SV2C: variants seen among roughly 807,000 people sequenced by gnomAD.
SV2C encodes solute carrier family 22 member B3.
A neutral mutation model predicts 79.7 loss-of-function variants in SV2C; 49 were observed. The ratio of observed to expected loss-of-function variants is 0.61; its 90% CI spans 0.49 to 0.78. The LOEUF (loss-of-function observed/expected upper bound fraction) is 0.78. Among genes scored for constraint, SV2C ranks in the 30% least tolerant of loss-of-function variants. SV2C has a pLI of 0.00. For missense variants in SV2C, 833 were observed against 912.9 expected, an observed-to-expected ratio of 0.91 and a Z score of 1.13; for synonymous variants, 334 against 333.2, an observed-to-expected ratio of 1.00 and a Z score of -0.03.
chr5:76,248,834 G>A (rs916702760), intron 4 of SV2C, among the ~76,000 whole-genome samples: 3 of 152,096 alleles, frequency 2.0e-5, no homozygotes, highest in Non-Finnish European at 4.4e-5. Flanking sequence ...GGCCAAGCTG[G>A]TCTGGAACTC....
At chr5:76,142,935 C>G (rs1288588878) in intron 2 of SV2C, among the ~76,000 whole-genome samples, 1 of 120,390 alleles carries the variant, frequency 8.3e-6, no homozygotes, top group Non-Finnish European at 1.9e-5. Context: ...TGCTCTGTTG[C>G]CAGGCTAGAG....
At chr5:76,272,601 G>GTGTTTTGTTT (rs371715210) in intron 4 of SV2C, among the ~76,000 whole-genome samples, 4 of 152,092 alleles carry the variant, frequency 2.6e-5, no homozygotes, top group Non-Finnish European at 4.4e-5. Context: ...AGTTTAGAAG[G>GTGTTTTGTTT]TGTTTTGTTT....
At chr5:75,944,082 A>G in the SV2C span, among the ~76,000 whole-genome samples, 1 of 152,154 alleles carries the variant, frequency 6.6e-6, no homozygotes, top group Non-Finnish European at 1.5e-5. Context: ...CAGTGGCACT[A>G]CCATAGCTCA....
chr5:75,877,656 C>T, the SV2C span, among the ~76,000 whole-genome samples: 1 of 150,072 alleles, frequency 6.7e-6, no homozygotes, highest in Non-Finnish European at 1.5e-5. Context: ...AAACAACACA[C>T]TTCTAAATAT....
At chr5:76,135,424 G>A (rs563575534) in intron 2 of SV2C, among the ~76,000 whole-genome samples, 2 of 152,220 alleles carry the variant, frequency 1.3e-5, no homozygotes, top group South Asian at 2.1e-4. Context: ...TATTTATGGG[G>A]CTGGTGGTGG....
intron 4 of SV2C, among the ~76,000 whole-genome samples, chr5:76,217,746 A>G (rs1199255500): frequency 1.3e-5 from 2 of 152,128 alleles, no homozygotes; most frequent in Non-Finnish European, 2.9e-5. Flanking sequence ...TAGAGAAGTC[A>G]GAGAAAAGAA....
At position 76,328,798 on chromosome 5, in the gene SV2C, T is replaced by G. The variant is rs1244005459; in HGVS notation, c.*3251T>G. The G allele has an allele frequency of 6.6e-6, 1 of 151,922 alleles. No homozygotes were observed. The highest frequency in any genetic ancestry group is 1.5e-5 in the Non-Finnish European group (1 of 68,032). The allele number at this position is 151,922 out of a possible 1,614,324, so 9.4% of individuals were successfully genotyped here. A position where few individuals can be genotyped will look rare whatever the true frequency, so the allele number is the denominator to read the frequency against. On this transcript the variant is annotated 3_prime_UTR_variant, in exon 13 of 13. Transcript: ENST00000502798. ...TTTTTTTTTTTAGGTGGAGTTTCAC[T>G]CTGTTGCCCAGGCTGGAGTGCAGTG...
intron 3 of SV2C, among the ~76,000 whole-genome samples, chr5:76,206,517 T>G (rs73766707): frequency 0.05 from 7,550 of 152,248 alleles, 634 homozygotes; most frequent in African/African-American, 0.17. Context: ...ACCCTCAACT[T>G]CTATTATGGT....
chr5:75,971,272 T>A, the SV2C span, among the ~76,000 whole-genome samples: 684 of 151,744 alleles, frequency 4.5e-3, 13 homozygotes, highest in African/African-American at 0.016. Flanking sequence ...CACAAGACAG[T>A]GATGCCCTCT....
the SV2C span, among the ~76,000 whole-genome samples, chr5:75,887,939 T>C: frequency 2.0e-5 from 3 of 152,208 alleles, no homozygotes; most frequent in Admixed American, 1.3e-4. Context: ...AAATGGTGTC[T>C]ATTATCTTGA....
the SV2C span, among the ~76,000 whole-genome samples, chr5:76,029,121 G>A: frequency 2.6e-5 from 4 of 152,146 alleles, no homozygotes; most frequent in Non-Finnish European, 4.4e-5. Flanking sequence ...AGAAAAAATT[G>A]TATGTAGTTA....
In SV2C at chr5:76,291,242, A is replaced by C; in HGVS notation, c.1159A>C (p.Lys387Gln). The change falls in exon 7 of 13, where the codon AAA becomes CAA. Residue 387 changes from lysine (K) to glutamine (Q), a missense_variant. Physicochemically the swap from Lys to Gln is moderately conservative, Grantham distance 53. Coordinates refer to ENST00000502798, the MANE Select transcript of SV2C (RefSeq NM_014979.4). ...VFTVNKIKTPKQIDELIEIES... is the reference protein window; with the variant it reads ...VFTVNKIKTPQQIDELIEIES... ...ACAGGTAAACAAAATAAAAACTCCT[A>C]AACAAATAGATGAGCTGATTGAAAT... 1 of 1,610,852 alleles carries C rather than the reference A, an allele frequency of 6.2e-7. No individual in the cohort carries two copies. Among genetic ancestry groups the C allele is most frequent in the Non-Finnish European group, 8.5e-7 (1 of 1,179,024 alleles).
At chr5:76,161,365 G>A (rs979260467) in intron 2 of SV2C, among the ~76,000 whole-genome samples, 1 of 152,146 alleles carries the variant, frequency 6.6e-6, no homozygotes, top group African/African-American at 2.4e-5. Flanking sequence ...TTAGGGATGC[G>A]GTGGATGAGA....
chr5:75,980,800 C>G, the SV2C span, among the ~76,000 whole-genome samples: 678 of 152,172 alleles, frequency 4.5e-3, 8 homozygotes, highest in African/African-American at 0.015. Flanking sequence ...TGAAAACCGG[C>G]ACAAGGAAAG....
At chr5:76,029,962 A>C in the SV2C span, among the ~76,000 whole-genome samples, 3 of 152,110 alleles carry the variant, frequency 2.0e-5, no homozygotes, top group Non-Finnish European at 4.4e-5. Context: ...CTCTTTTCAG[A>C]ACTTATTGAA....
intron 2 of SV2C, among the ~76,000 whole-genome samples, chr5:76,153,844 T>C (rs185855908): frequency 6.6e-6 from 1 of 152,310 alleles, no homozygotes; most frequent in Admixed American, 6.5e-5. Flanking sequence ...GAATCCTAGA[T>C]CTGTCAGTTA....
chr5:75,888,786 G>C, the SV2C span, among the ~76,000 whole-genome samples: 19 of 152,056 alleles, frequency 1.2e-4, no homozygotes, highest in Non-Finnish European at 1.9e-4. Flanking sequence ...GGGGTGGCCT[G>C]TTTCCGTGTT....
At chr5:76,341,468 G>A (rs774179376) in intron 12 of SV2C, among the ~76,000 whole-genome samples, 2 of 152,198 alleles carry the variant, frequency 1.3e-5, no homozygotes, top group Non-Finnish European at 1.5e-5. Flanking sequence ...GCAAATGGAG[G>A]TGCCGGGGCT....
chr5:76,062,396 C>T, the SV2C span, among the ~76,000 whole-genome samples: 1 of 152,038 alleles, frequency 6.6e-6, no homozygotes, highest in Non-Finnish European at 1.5e-5. Flanking sequence ...TTCCTCCCTC[C>T]AGAGGATGCA....
Sources: gnomAD v4.1 joint callset for allele counts (sites outside exome capture counted in the v4.1 genomes callset) on GRCh38, gnomAD v4.1.1 for gene constraint, MANE v1.5 for transcripts, NCBI Gene and HGNC (gene_info 2026-07-23, HGNC 2026-07-21) for gene names.